Variants in SHOX2 observed in about 807,000 individuals in gnomAD.
SHOX2 encodes short stature homeobox protein 2.
A neutral mutation model predicts 31.3 loss-of-function variants in SHOX2; 13 were observed. The observed-to-expected ratio is 0.42, with a 90% CI of 0.27 to 0.66. The LOEUF (loss-of-function observed/expected upper bound fraction) is 0.66. Among genes scored for constraint, SHOX2 ranks in the 30% least tolerant of loss-of-function variants. The pLI, the probability that SHOX2 is intolerant of heterozygous loss-of-function variation, is 0.27. For synonymous variants in SHOX2, 244 were observed against 196.2 expected (o/e 1.24, Z -2.04); for missense variants, 473 against 443.0 (o/e 1.07, Z -0.61).
intron 1 of SHOX2, among the ~76,000 whole-genome samples, chr3:158,105,464 C>T (rs1713835355): frequency 6.6e-6 from 1 of 151,900 alleles, no homozygotes; most frequent in African/African-American, 2.4e-5. Flanking sequence ...CGCTTCCCCC[C>T]ACGCCACCCC....
rs977674955 is a variant in SHOX2 at position 158,097,884 on chromosome 3, G to T, written c.*143C>A. The stretch of plus-strand genomic sequence containing the variant: ...GTCTGGCTTTCCGAGTCCAAGATGC[G>T]ATAGGGGACGAGGGATGGTCAGTGA... On this transcript the variant is annotated 3_prime_UTR_variant, in exon 5 of 5. Transcript: ENST00000483851. The T allele has an allele frequency of 3.7e-6, 4 of 1,086,304 alleles. No individual in the cohort carries two copies. The highest frequency in any genetic ancestry group is 5.3e-6 in the Non-Finnish European group (4 of 756,996). 67.3% of individuals were successfully genotyped at this position (1,086,304 alleles called of 1,614,324 possible). A position where few individuals can be genotyped will look rare whatever the true frequency, so the allele number is the denominator to read the frequency against.
At chr3:158,101,457 G>C (rs1366178083) in intron 2 of SHOX2, among the ~76,000 whole-genome samples, 3 of 152,182 alleles carry the variant, frequency 2.0e-5, no homozygotes, top group Non-Finnish European at 4.4e-5. Context: ...TGTTTTTAAG[G>C]GGTTGCTGAG....
In SHOX2 at chr3:158,097,119, T is replaced by C. The variant is rs955230492; in HGVS notation, c.*908A>G. On this transcript the variant is annotated 3_prime_UTR_variant, in exon 5 of 5. Coordinates refer to ENST00000483851, the MANE Select transcript of SHOX2 (RefSeq NM_001163678.2). ...TTTACTGTCAGCAGTCCAGACAGTTTTGCCATAATAATTTCTCAGAGAAAT... is the reference window on the plus strand; with the variant it reads ...TTTACTGTCAGCAGTCCAGACAGTTCTGCCATAATAATTTCTCAGAGAAAT... 2 of 151,996 alleles carry C rather than the reference T, an allele frequency of 1.3e-5. No individual in the cohort carries two copies. Among genetic ancestry groups the C allele is most frequent in the African/African-American group, 4.8e-5 (2 of 41,254 alleles). The allele number at this position is 151,996 out of a possible 1,614,324, so 9.4% of individuals were successfully genotyped here. A position where few individuals can be genotyped will look rare whatever the true frequency, so the allele number is the denominator to read the frequency against.
At chr3:158,100,432 G>A (rs759804606) in intron 2 of SHOX2, 121 bp from the exon 3 acceptor site, 1 of 622,786 alleles carries the variant, frequency 1.6e-6, no homozygotes, top group Non-Finnish European at 2.7e-6. Flanking sequence ...GATACAGCAA[G>A]CAATCTTTGA....
In SHOX2 at chr3:158,106,058, G is replaced by A; in HGVS notation, c.-34C>T. The A allele has an allele frequency of 6.2e-7, 1 of 1,610,092 alleles. No homozygotes were observed. Among genetic ancestry groups the A allele is most frequent in the Non-Finnish European group, 8.5e-7 (1 of 1,178,048 alleles). On this transcript the variant is annotated 5_prime_UTR_variant, in exon 1 of 5. An upstream open reading frame in the 5' UTR gains an earlier in-frame stop. Coordinates refer to ENST00000483851, the MANE Select transcript of SHOX2 (RefSeq NM_001163678.2). ...CACGTCAGCCCGGCGCTCAACCTCTGCCAGCAGAGCCCCGCTCTTTTTTTC... is the reference window on the plus strand; with the variant it reads ...CACGTCAGCCCGGCGCTCAACCTCTACCAGCAGAGCCCCGCTCTTTTTTTC...
At chr3:158,101,864 A>G (rs571187136) in intron 2 of SHOX2, among the ~76,000 whole-genome samples, 1 of 152,328 alleles carries the variant, frequency 6.6e-6, no homozygotes, top group Admixed American at 6.5e-5. Context: ...GTGTATGTGA[A>G]TGTACACAAT....
chr3:158,101,458 G>A (rs1042033155), intron 2 of SHOX2, among the ~76,000 whole-genome samples: 9 of 152,170 alleles, frequency 5.9e-5, no homozygotes, highest in African/African-American at 2.2e-4. Flanking sequence ...GTTTTTAAGG[G>A]GTTGCTGAGC....
chr3:158,100,028 A>C (rs1209617957), intron 3 of SHOX2, 80 bp from the exon 4 acceptor site: 1 of 1,217,480 alleles, frequency 8.2e-7, no homozygotes, highest in African/African-American at 1.5e-5. Context: ...ACAAGACAGA[A>C]CGAATTCCTT....
intron 4 of SHOX2, 132 bp from the exon 5 acceptor site, chr3:158,098,416 G>T: frequency 8.8e-7 from 1 of 1,135,226 alleles, no homozygotes; most frequent in Non-Finnish European, 1.3e-6. Context: ...GAGGGCATTT[G>T]GCTGTGCATC....
chr3:158,097,862 T>C lies in SHOX2; in HGVS notation c.*165A>G. 9.9e-6 allele frequency: 9 copies of C among 912,900 alleles called. No homozygotes were observed. The South Asian group carries it at 1.3e-4, about 13-fold the overall frequency. 56.5% of individuals were successfully genotyped at this position (912,900 alleles called of 1,614,324 possible). On this transcript the variant is annotated 3_prime_UTR_variant, in exon 5 of 5. Transcript: ENST00000483851. ...GAGATCCCTGGTCCTGCGTGGAGTC[T>C]GGCTTTCCGAGTCCAAGATGCGATA... is the stretch of plus-strand genomic sequence containing the variant.
chr3:158,106,083 C>T lies in SHOX2; in HGVS notation c.-59G>A. On this transcript the variant is annotated 5_prime_UTR_variant, in exon 1 of 5. Transcript: ENST00000483851. ...GCCAGCAGAGCCCCGCTCTTTTTTT[C>T]CTTCTTCTTTTTTTACTGCTCCAGC... 1 of 1,603,782 alleles carries T rather than the reference C, an allele frequency of 6.2e-7. No individual in the cohort carries two copies. Among genetic ancestry groups the T allele is most frequent in the Non-Finnish European group, 8.5e-7 (1 of 1,174,992 alleles).
intron 3 of SHOX2, 73 bp from the exon 4 acceptor site, chr3:158,100,021 A>G: frequency 7.9e-7 from 1 of 1,271,290 alleles, no homozygotes; most frequent in Admixed American, 1.9e-5. Context: ...AAAGGGTACA[A>G]GACAGAACGA....
intron 1 of SHOX2, among the ~76,000 whole-genome samples, chr3:158,104,844 G>A (rs571093750): frequency 6.6e-5 from 10 of 152,274 alleles, no homozygotes; most frequent in Non-Finnish European, 1.3e-4. Context: ...GTTACTGCAG[G>A]CACCAAGTGC....
intron 3 of SHOX2, 54 bp downstream of exon 3, chr3:158,100,200 C>T: frequency 7.3e-7 from 1 of 1,362,360 alleles, no homozygotes; most frequent in African/African-American, 1.5e-5. Flanking sequence ...TAGTAATATT[C>T]ACTACTTCTC....
chr3:158,100,320 T>C lies in SHOX2; in HGVS notation c.556-9A>G, dbSNP rs1355102856. On this transcript the variant is annotated splice_polypyrimidine_tract_variant and intron_variant, in intron 2 of 4. Coordinates refer to ENST00000483851, the MANE Select transcript of SHOX2 (RefSeq NM_001163678.2). Reference sequence around the variant, plus strand: ...CGATTTTGAAACCAAACCTATAGGTTGGAGGGGGAAAAAAAATAAAACCTA... The same window carrying C: ...CGATTTTGAAACCAAACCTATAGGTCGGAGGGGGAAAAAAAATAAAACCTA... The C allele has an allele frequency of 1.3e-6, 2 of 1,577,370 alleles. No individual in the cohort carries two copies. Among genetic ancestry groups the C allele is most frequent in the Non-Finnish European group, 8.5e-7 (1 of 1,169,820 alleles).
rs1713931672 is a variant in SHOX2, at chr3:158,106,282, A to G, written c.-258T>C. ...GAAGAGGGGGAGAAGGGTGAAGAGGAGAGGGAGGAGGAGGAGGAGAAGAGA... is the reference window on the plus strand; with the variant it reads ...GAAGAGGGGGAGAAGGGTGAAGAGGGGAGGGAGGAGGAGGAGGAGAAGAGA... On this transcript the variant is annotated 5_prime_UTR_variant, in exon 1 of 5. Transcript: ENST00000483851. The G allele has an allele frequency of 2.1e-6, 1 of 467,700 alleles. No homozygotes were observed. The allele number at this position is 467,700 out of a possible 1,614,324, so 29.0% of individuals were successfully genotyped here. A position where few individuals can be genotyped will look rare whatever the true frequency, so the allele number is the denominator to read the frequency against.
At chr3:158,103,337 TC>T in intron 1 of SHOX2, 1 of 229,302 alleles carries the variant, frequency 4.4e-6, no homozygotes, top group East Asian at 1.1e-4. Context: ...CACTGGCCTC[TC>T]ACACCGGCCA....
rs1028375952 is a variant in SHOX2 at position 158,106,263 on chromosome 3, G to T, written c.-239C>A. On this transcript the variant is annotated 5_prime_UTR_variant, in exon 1 of 5. Coordinates refer to ENST00000483851, the MANE Select transcript of SHOX2 (RefSeq NM_001163678.2). ...GGAGGAGGAGGAAGAAGAGGAAGAG[G>T]GGGAGAAGGGTGAAGAGGAGAGGGA... The T allele has an allele frequency of 8.5e-6, 5 of 589,394 alleles. No individual in the cohort carries two copies. Among genetic ancestry groups the T allele is most frequent in the African/African-American group, 7.9e-5 (4 of 50,728 alleles). 36.5% of individuals were successfully genotyped at this position (589,394 alleles called of 1,614,324 possible).
chr3:158,106,312 G>A lies in SHOX2; in HGVS notation c.-288C>T, dbSNP rs1578084362. The A allele has an allele frequency of 8.9e-6, 4 of 450,828 alleles. No individual in the cohort carries two copies. The East Asian group carries it at 1.5e-4, about 17-fold the overall frequency. The allele number at this position is 450,828 out of a possible 1,614,324, so 27.9% of individuals were successfully genotyped here. On this transcript the variant is annotated 5_prime_UTR_variant, in exon 1 of 5. Coordinates refer to ENST00000483851, the MANE Select transcript of SHOX2 (RefSeq NM_001163678.2). ...GAGGAGGAGGAGGAGAAGAGAAGGG[G>A]CGGGGGCTGCCGGAGGGAAATGGGA...
Sources: allele counts gnomAD v4.1 joint callset (sites outside exome capture counted in the v4.1 genomes callset), GRCh38; gene constraint gnomAD v4.1.1; transcripts MANE v1.5; gene names NCBI Gene and HGNC (gene_info 2026-07-23, HGNC 2026-07-21).